SHISAL1: variants seen among roughly 807,000 people sequenced by gnomAD.
SHISAL1 encodes the protein shisa like 1, also known as protein shisa-like-1.
A neutral mutation model predicts 22.6 loss-of-function variants in SHISAL1; 9 were observed. The observed-to-expected ratio is 0.40, with a 90% CI of 0.24 to 0.70. The LOEUF is 0.70. Ranked by LOEUF, SHISAL1 falls within the 30% of genes least tolerant of loss-of-function variation. The pLI is 0.39. For synonymous variants in SHISAL1, 119 were observed against 115.4 expected (o/e 1.03, Z -0.20); for missense variants, 246 against 270.6 (o/e 0.91, Z 0.64).
intron 4 of SHISAL1, among the ~76,000 whole-genome samples, chr22:44,267,329 C>T (rs117833833): frequency 0.02 from 3,108 of 152,240 alleles, 45 homozygotes; most frequent in Middle Eastern, 0.044. Flanking sequence ...CCACAGCCGC[C>T]CCAAGGTCCC....
rs1255327138 is a variant in SHISAL1, at chr22:44,245,298, T to C, written c.*4387A>G. The C allele has an allele frequency of 1.3e-5, 2 of 152,304 alleles. No individual in the cohort carries two copies. Among genetic ancestry groups the C allele is most frequent in the Non-Finnish European group, 2.9e-5 (2 of 68,144 alleles). The allele number at this position is 152,304 out of a possible 1,614,324, so 9.4% of individuals were successfully genotyped here. A position where few individuals can be genotyped will look rare whatever the true frequency, so the allele number is the denominator to read the frequency against. ...CATGTTCCCAATAACTCCATCCAGG[T>C]CTGTTCTTCCTTCCTTCCTTCTTAC... On this transcript the variant is annotated 3_prime_UTR_variant, in exon 5 of 5. Coordinates refer to ENST00000381176, the MANE Select transcript of SHISAL1 (RefSeq NM_001099294.2).
chr22:44,312,240 G>T (rs1444407632), intron 1 of SHISAL1, among the ~76,000 whole-genome samples: 1 of 152,068 alleles, frequency 6.6e-6, no homozygotes, highest in South Asian at 2.1e-4. Flanking sequence ...CACTTATTTC[G>T]TACCGGTGTG....
intron 4 of SHISAL1, among the ~76,000 whole-genome samples, chr22:44,257,746 C>G (rs2055094359): frequency 6.6e-6 from 1 of 152,194 alleles, no homozygotes; most frequent in African/African-American, 2.4e-5. Flanking sequence ...GATCCAGCAA[C>G]CTCTCTCTGC....
In SHISAL1 at chr22:44,243,839, C is replaced by T. The variant is rs1302845786; in HGVS notation, c.*5846G>A. On this transcript the variant is annotated 3_prime_UTR_variant, in exon 5 of 5. Coordinates refer to ENST00000381176, the MANE Select transcript of SHISAL1 (RefSeq NM_001099294.2). ...TGGTTTTGGTTTTCCCGGTTATCAGCTCTCAGGGAGACCCCATGCCTGCTC... is the reference window on the plus strand; with the variant it reads ...TGGTTTTGGTTTTCCCGGTTATCAGTTCTCAGGGAGACCCCATGCCTGCTC... The T allele has an allele frequency of 6.6e-6, 1 of 152,232 alleles. No homozygotes were observed. Among genetic ancestry groups the T allele is most frequent in the African/African-American group, 2.4e-5 (1 of 41,452 alleles). 9.4% of individuals were successfully genotyped at this position (152,232 alleles called of 1,614,324 possible).
intron 3 of SHISAL1, among the ~76,000 whole-genome samples, chr22:44,288,108 G>A (rs1211808016): frequency 2.6e-5 from 4 of 152,180 alleles, no homozygotes; most frequent in East Asian, 1.9e-4. Context: ...TGCTTCCCAC[G>A]TTAGCCCATT....
intron 4 of SHISAL1, among the ~76,000 whole-genome samples, chr22:44,283,433 A>G (rs1473541733): frequency 6.6e-6 from 1 of 152,210 alleles, no homozygotes; most frequent in African/African-American, 2.4e-5. Flanking sequence ...CAGGTGCACA[A>G]TGTGTGCTTG....
chr22:44,304,160 G>C (rs1483781692), intron 1 of SHISAL1, among the ~76,000 whole-genome samples: 2 of 152,222 alleles, frequency 1.3e-5, no homozygotes, highest in African/African-American at 4.8e-5. Context: ...AGGGAGAGCA[G>C]AGGGGACACC....
At chr22:44,304,010 T>G (rs2055452562) in intron 1 of SHISAL1, among the ~76,000 whole-genome samples, 1 of 152,200 alleles carries the variant, frequency 6.6e-6, no homozygotes, top group Non-Finnish European at 1.5e-5. Flanking sequence ...ACCACACGTT[T>G]CTGAAAGAAG....
the SHISAL1 span, among the ~76,000 whole-genome samples, chr22:44,328,914 G>A: frequency 9.9e-5 from 15 of 152,114 alleles, no homozygotes; most frequent in South Asian, 2.1e-4. Flanking sequence ...GGCTTCAGCC[G>A]CCCTGCTGTG....
At chr22:44,293,253 C>A (rs538135074) in intron 3 of SHISAL1, among the ~76,000 whole-genome samples, 5 of 152,338 alleles carry the variant, frequency 3.3e-5, no homozygotes, top group African/African-American at 1.2e-4. Context: ...GCGTCCTCCT[C>A]TGTGTGGGCT....
rs1214268067 is a variant in SHISAL1, at chr22:44,245,514, A to AT, written c.*4170dup. On this transcript the variant is annotated 3_prime_UTR_variant, in exon 5 of 5. Coordinates refer to ENST00000381176, the MANE Select transcript of SHISAL1 (RefSeq NM_001099294.2). ...TTCAGCCAAGTTGAAAAATTAAAAA[A>AT]TTTTACAAGTCTGCACCCCCGGGGA... 1 of 152,202 alleles carries AT rather than the reference A, an allele frequency of 6.6e-6. No individual in the cohort carries two copies. The highest frequency in any genetic ancestry group is 1.5e-5 in the Non-Finnish European group (1 of 68,054). The allele number at this position is 152,202 out of a possible 1,614,324, so 9.4% of individuals were successfully genotyped here. A position where few individuals can be genotyped will look rare whatever the true frequency, so the allele number is the denominator to read the frequency against.
At chr22:44,258,095 A>G in intron 4 of SHISAL1, among the ~76,000 whole-genome samples, 1 of 152,138 alleles carries the variant, frequency 6.6e-6, no homozygotes, top group East Asian at 1.9e-4. Context: ...AGCTGAGATC[A>G]TGCCATTGCA....
chr22:44,253,073 A>T (rs1377706555), intron 4 of SHISAL1, among the ~76,000 whole-genome samples: 1 of 152,040 alleles, frequency 6.6e-6, no homozygotes, highest in Non-Finnish European at 1.5e-5. Flanking sequence ...TGATGGTTGC[A>T]CTATAGTGAG....
In SHISAL1 at chr22:44,257,932, G is replaced by A. The variant is rs544346276; in HGVS notation, c.*-8247C>T. 2.6e-5 allele frequency among the ~76,000 whole-genome samples: 4 copies of A among 152,306 alleles called. No homozygotes were observed. In the East Asian group the frequency reaches 7.7e-4, roughly 29 times the overall value. ...CGAGGTGGGCGGATCACCAGGTCAG[G>A]AGTTCGAAACCAGCCTGACCAACAT... On this transcript the variant is annotated intron_variant, in intron 4 of 4. Transcript: ENST00000381176.
upstream of SHISAL1, among the ~76,000 whole-genome samples, chr22:44,316,353 TC>T (rs1234503207): frequency 7.2e-6 from 1 of 138,222 alleles, no homozygotes; most frequent in Non-Finnish European, 1.5e-5. Flanking sequence ...AACAGAGAGA[TC>T]CCCGGAAGTG....
chr22:44,302,615 G>T (rs895807259), intron 1 of SHISAL1, among the ~76,000 whole-genome samples: 4 of 152,090 alleles, frequency 2.6e-5, no homozygotes, highest in Non-Finnish European at 5.9e-5. Context: ...CGGAGGGATA[G>T]CAGGGGCAAA....
At chr22:44,319,557 C>G in the SHISAL1 span, among the ~76,000 whole-genome samples, 1 of 152,238 alleles carries the variant, frequency 6.6e-6, no homozygotes, top group East Asian at 1.9e-4. Flanking sequence ...CATTTCCCAC[C>G]AGTGCCAGAT....
chr22:44,302,999 G>GT (rs2055443046), intron 1 of SHISAL1, among the ~76,000 whole-genome samples: 1 of 152,064 alleles, frequency 6.6e-6, no homozygotes. Context: ...TTTGGGCCCT[G>GT]AGGGGACTAG....
At chr22:44,306,057 T>TC (rs1206484228) in intron 1 of SHISAL1, among the ~76,000 whole-genome samples, 1 of 152,058 alleles carries the variant, frequency 6.6e-6, no homozygotes, top group Non-Finnish European at 1.5e-5. Context: ...GAAGCCAACC[T>TC]CCCCATTCCA....
Sources: gnomAD v4.1 joint callset for allele counts (sites outside exome capture counted in the v4.1 genomes callset) on GRCh38, gnomAD v4.1.1 for gene constraint, MANE v1.5 for transcripts, NCBI Gene and HGNC (gene_info 2026-07-23, HGNC 2026-07-21) for gene names.